Variants in NKAIN2 observed in about 807,000 individuals in gnomAD.
NKAIN2 encodes the protein sodium/potassium transporting ATPase interacting 2, also known as sodium/potassium-transporting ATPase subunit beta-1-interacting protein 2.
In NKAIN2, 14 loss-of-function variants were observed where a neutral mutation model predicts 32.6. The ratio of observed to expected loss-of-function variants is 0.43; its 90% CI spans 0.28 to 0.67. NKAIN2 has a LOEUF of 0.67. NKAIN2 is among the 30% of genes least tolerant of loss of function. NKAIN2 has a pLI of 0.17. For synonymous variants in NKAIN2, 80 were observed against 87.2 expected (o/e 0.92, Z 0.46); for missense variants, 198 against 258.3 (o/e 0.77, Z 1.60).
chr6:124,157,546 A>G (rs1232784547), intron 1 of NKAIN2, among the ~76,000 whole-genome samples: 2 of 152,136 alleles, frequency 1.3e-5, no homozygotes, highest in Non-Finnish European at 2.9e-5. Flanking sequence ...TCAACCTCTC[A>G]TAACCGACAT....
intron 1 of NKAIN2, among the ~76,000 whole-genome samples, chr6:123,894,734 G>A (rs1329195927): frequency 6.6e-6 from 1 of 152,032 alleles, no homozygotes; most frequent in Non-Finnish European, 1.5e-5. Context: ...AAACTCATGT[G>A]TCTACAATGA....
chr6:124,650,227 TTGTC>T (rs1423027454), intron 3 of NKAIN2, among the ~76,000 whole-genome samples: 1 of 152,200 alleles, frequency 6.6e-6, no homozygotes, highest in East Asian at 1.9e-4. Flanking sequence ...GATAAAATGA[TTGTC>T]TGTGTAGAAA....
chr6:124,176,861 A>C (rs754048073), intron 1 of NKAIN2, among the ~76,000 whole-genome samples: 3 of 151,788 alleles, frequency 2.0e-5, no homozygotes, highest in South Asian at 2.1e-4. Context: ...TCCTATTTTT[A>C]TTTTCATGTT....
chr6:123,967,896 C>G (rs1778163618), intron 1 of NKAIN2, among the ~76,000 whole-genome samples: 1 of 152,098 alleles, frequency 6.6e-6, no homozygotes, highest in African/African-American at 2.4e-5. Flanking sequence ...TCTGTGGTAT[C>G]TCAACACTTA....
chr6:124,411,788 G>T (rs1224281820), intron 3 of NKAIN2, among the ~76,000 whole-genome samples: 1 of 152,164 alleles, frequency 6.6e-6, no homozygotes, highest in Non-Finnish European at 1.5e-5. Flanking sequence ...TTCCAGCTTG[G>T]TTCCATTCTC....
chr6:124,246,648 G>A (rs1210414394), intron 1 of NKAIN2, among the ~76,000 whole-genome samples: 1 of 151,994 alleles, frequency 6.6e-6, no homozygotes, highest in Non-Finnish European at 1.5e-5. Context: ...GGACTTAGAA[G>A]GCAGACTTTA....
intron 1 of NKAIN2, among the ~76,000 whole-genome samples, chr6:124,159,523 T>C (rs1277882062): frequency 1.3e-5 from 2 of 152,184 alleles, no homozygotes; most frequent in East Asian, 1.9e-4. Flanking sequence ...ATGTATTGAT[T>C]AGGAATTGGA....
chr6:124,477,181 A>C (rs1047892040), intron 3 of NKAIN2, among the ~76,000 whole-genome samples: 1 of 152,212 alleles, frequency 6.6e-6, no homozygotes, highest in Non-Finnish European at 1.5e-5. Flanking sequence ...AGTAAGGAGA[A>C]TATAAGAGCT....
intron 1 of NKAIN2, among the ~76,000 whole-genome samples, chr6:123,906,627 C>T (rs1774886017): frequency 6.6e-6 from 1 of 152,094 alleles, no homozygotes; most frequent in Non-Finnish European, 1.5e-5. Context: ...AGATAAAAAG[C>T]TTATCTTTGC....
chr6:124,055,067 A>G (rs1782585862), intron 1 of NKAIN2, among the ~76,000 whole-genome samples: 2 of 152,050 alleles, frequency 1.3e-5, no homozygotes, highest in South Asian at 4.1e-4. Flanking sequence ...TATTTCAAAT[A>G]CTATATCACC....
intron 3 of NKAIN2, among the ~76,000 whole-genome samples, chr6:124,552,742 C>T (rs912202779): frequency 8.5e-5 from 13 of 152,108 alleles, no homozygotes; most frequent in African/African-American, 3.1e-4. Flanking sequence ...AAAATATTAG[C>T]TTGTTGGGAA....
At position 123,879,952 on chromosome 6, in the gene NKAIN2, G is replaced by A. The variant is rs548395798; in HGVS notation, c.54+75698G>A. Among the ~76,000 whole-genome samples, 4 of 152,268 alleles carry A rather than the reference G, an allele frequency of 2.6e-5. 1 individual carries two copies. The East Asian group carries it at 7.7e-4, about 29-fold the overall frequency. ...GGAGCCTGAGCTCATGTTCTCCCTG[G>A]TGTCTTGGGGGAAGCCCAGGCTGGG... On this transcript the variant is annotated intron_variant, in intron 1 of 6. Coordinates refer to ENST00000368417, the MANE Select transcript of NKAIN2 (RefSeq NM_001040214.3).
intron 1 of NKAIN2, among the ~76,000 whole-genome samples, chr6:124,270,136 G>A (rs551395274): frequency 2.4e-4 from 36 of 152,230 alleles, no homozygotes; most frequent in Middle Eastern, 3.4e-3. Context: ...CAGCTCACAC[G>A]CTTCCACCTG....
At chr6:124,053,374 C>G (rs949173232) in intron 1 of NKAIN2, among the ~76,000 whole-genome samples, 1 of 152,058 alleles carries the variant, frequency 6.6e-6, no homozygotes, top group Non-Finnish European at 1.5e-5. Flanking sequence ...AAATTGAATA[C>G]ATTGTTAATC....
At chr6:124,472,623 C>CT (rs1185598346) in intron 3 of NKAIN2, among the ~76,000 whole-genome samples, 1 of 150,648 alleles carries the variant, frequency 6.6e-6, no homozygotes, top group Admixed American at 6.6e-5. Context: ...TTAGCATAAA[C>CT]AATGATACAC....
At chr6:123,975,706 A>G (rs1582870053) in intron 1 of NKAIN2, among the ~76,000 whole-genome samples, 1 of 152,226 alleles carries the variant, frequency 6.6e-6, no homozygotes, top group East Asian at 1.9e-4. Context: ...ACATAGCAAA[A>G]GAAGAGAGTC....
rs758279859 is a variant in NKAIN2 at position 124,658,364 on chromosome 6, G to T, written c.452G>T (p.Ser151Ile). Residue 151 changes from serine to isoleucine, a missense_variant, in exon 4 of 7, where the codon AGT becomes ATT. Coordinates refer to ENST00000368417, the MANE Select transcript of NKAIN2 (RefSeq NM_001040214.3). ...LEYQYIEVAH[S>I]SLQIVLALAG... ...TACCAGTACATAGAAGTGGCTCATAGTTCCCTCCAGATTGTCCTCGCAGTA... is the reference window on the plus strand; with the variant it reads ...TACCAGTACATAGAAGTGGCTCATATTTCCCTCCAGATTGTCCTCGCAGTA... 2 of 1,614,146 alleles carry T rather than the reference G, an allele frequency of 1.2e-6. No individual in the cohort carries two copies. The highest frequency in any genetic ancestry group is 1.7e-6 in the Non-Finnish European group (2 of 1,180,026).
At chr6:124,360,091 G>A (rs958144412) in intron 3 of NKAIN2, among the ~76,000 whole-genome samples, 2 of 152,194 alleles carry the variant, frequency 1.3e-5, no homozygotes, top group Admixed American at 6.5e-5. Flanking sequence ...ATTTGCGAAT[G>A]TTGAACCAGC....
intron 2 of NKAIN2, among the ~76,000 whole-genome samples, chr6:124,311,101 T>C (rs544283260): frequency 6.6e-6 from 1 of 152,046 alleles, no homozygotes; most frequent in South Asian, 2.1e-4. Context: ...CATCAACTTA[T>C]TAGGAGAGAT....
Sources: allele counts gnomAD v4.1 joint callset (sites outside exome capture counted in the v4.1 genomes callset), GRCh38; gene constraint gnomAD v4.1.1; transcripts MANE v1.5; gene names NCBI Gene and HGNC (gene_info 2026-07-23, HGNC 2026-07-21).